The following LRFN5 variants were observed in gnomAD, a reference collection of about 807,000 sequenced individuals.
LRFN5 encodes the protein leucine-rich repeat and fibronectin type-III domain-containing protein 5.
In LRFN5, 24 loss-of-function variants were observed where a neutral mutation model predicts 45.6. The ratio of observed to expected loss-of-function variants is 0.53; its 90% CI spans 0.38 to 0.74. LRFN5 has a LOEUF of 0.74. Among genes scored for constraint, LRFN5 ranks in the 30% least tolerant of loss-of-function variants. The pLI is 0.00. For missense variants in LRFN5, 776 were observed against 861.5 expected (o/e 0.90, Z 1.24); for synonymous variants, 340 against 313.8 (o/e 1.08, Z -0.88).
chr14:41,633,670 AT>A (rs1888626652), intron 1 of LRFN5, among the ~76,000 whole-genome samples: 1 of 152,184 alleles, frequency 6.6e-6, no homozygotes, highest in Non-Finnish European at 1.5e-5. Flanking sequence ...AAATTAAGAT[AT>A]TCTTTTTTTC....
intron 1 of LRFN5, among the ~76,000 whole-genome samples, chr14:41,722,355 T>C (rs944737435): frequency 3.3e-5 from 5 of 152,146 alleles, no homozygotes; most frequent in Non-Finnish European, 5.9e-5. Context: ...TCTTTATCTG[T>C]CATTTCTGAG....
intron 1 of LRFN5, among the ~76,000 whole-genome samples, chr14:41,753,366 A>G (rs1885224945): frequency 1.3e-5 from 2 of 152,148 alleles, no homozygotes; most frequent in African/African-American, 2.4e-5. Context: ...CAGTATGGCC[A>G]TTTTCACAAT....
At chr14:41,819,988 C>A (rs909073955) in intron 2 of LRFN5, among the ~76,000 whole-genome samples, 3 of 147,092 alleles carry the variant, frequency 2.0e-5, no homozygotes, top group African/African-American at 7.5e-5. Flanking sequence ...ATGCTGATTT[C>A]TTTGGCATTC....
At chr14:41,759,613 G>A (rs938601324) in intron 1 of LRFN5, among the ~76,000 whole-genome samples, 14 of 152,062 alleles carry the variant, frequency 9.2e-5, no homozygotes, top group African/African-American at 3.1e-4. Flanking sequence ...AGTGCACTTA[G>A]TAGTTGGTCA....
intron 1 of LRFN5, among the ~76,000 whole-genome samples, chr14:41,716,988 T>G (rs1433136595): frequency 2.0e-5 from 3 of 152,116 alleles, no homozygotes; most frequent in African/African-American, 7.2e-5. Flanking sequence ...TCTAATAGAG[T>G]CTTTCAACCT....
At chr14:41,888,189 AT>A (rs1242159845) in intron 3 of LRFN5, among the ~76,000 whole-genome samples, 179 bp downstream of exon 3, 3 of 152,006 alleles carry the variant, frequency 2.0e-5, no homozygotes, top group African/African-American at 2.4e-5. Flanking sequence ...TTTGAATGGT[AT>A]TTTTTTAGAG....
chr14:41,865,286 A>G (rs1374938802), intron 2 of LRFN5, among the ~76,000 whole-genome samples: 4 of 152,190 alleles, frequency 2.6e-5, no homozygotes, highest in South Asian at 2.1e-4. Flanking sequence ...CTCTGAATCT[A>G]TTGATTTTGG....
At chr14:41,786,711 C>G (rs1886734425) in intron 2 of LRFN5, among the ~76,000 whole-genome samples, 1 of 151,778 alleles carries the variant, frequency 6.6e-6, no homozygotes, top group Non-Finnish European at 1.5e-5. Context: ...TTCATGTACG[C>G]TTTCATTTTT....
At chr14:41,650,268 A>ACAC (rs1437857911) in intron 1 of LRFN5, among the ~76,000 whole-genome samples, 5,692 of 129,332 alleles carry the variant, frequency 0.044, 163 homozygotes, top group Admixed American at 0.073. Context: ...CACACACACA[A>ACAC]AAAAAAAAAA....
intron 1 of LRFN5, among the ~76,000 whole-genome samples, chr14:41,740,002 A>G (rs1405020817): frequency 6.6e-6 from 1 of 152,048 alleles, no homozygotes; most frequent in Non-Finnish European, 1.5e-5. Flanking sequence ...AAAAAGAAAT[A>G]GAAAAATCTG....
At chr14:41,852,624 TTATC>T (rs1889310850) in intron 2 of LRFN5, among the ~76,000 whole-genome samples, 2 of 151,936 alleles carry the variant, frequency 1.3e-5, no homozygotes, top group African/African-American at 4.8e-5. Context: ...TGTAGTTATT[TTATC>T]TTTTTTTGAA....
chr14:41,617,743 T>G (rs779499444), intron 1 of LRFN5, among the ~76,000 whole-genome samples: 37 of 152,200 alleles, frequency 2.4e-4, no homozygotes, highest in Non-Finnish European at 3.7e-4. Context: ...TTTGCCCTCT[T>G]TAATTTTCAG....
chr14:41,853,563 G>A (rs757282539), intron 2 of LRFN5, among the ~76,000 whole-genome samples: 1 of 151,908 alleles, frequency 6.6e-6, no homozygotes, highest in East Asian at 1.9e-4. Context: ...TAGTTTCCTT[G>A]GGTTACATTA....
chr14:41,868,517 T>C (rs990243755), intron 2 of LRFN5, among the ~76,000 whole-genome samples: 5 of 152,094 alleles, frequency 3.3e-5, no homozygotes, highest in South Asian at 2.1e-4. Flanking sequence ...TGCTTAAAAA[T>C]TGGCCTCTCC....
chr14:41,755,512 T>G (rs1885334329), intron 1 of LRFN5, among the ~76,000 whole-genome samples: 1 of 152,176 alleles, frequency 6.6e-6, no homozygotes, highest in Non-Finnish European at 1.5e-5. Flanking sequence ...CCCTTTACCA[T>G]TATGTAATGG....
intron 1 of LRFN5, among the ~76,000 whole-genome samples, chr14:41,750,983 TC>T (rs1885107997): frequency 6.6e-6 from 1 of 151,992 alleles, no homozygotes; most frequent in Non-Finnish European, 1.5e-5. Context: ...GCCCCCTACG[TC>T]CCGACAGGCC....
chr14:41,738,874 A>G (rs1214674217), intron 1 of LRFN5, among the ~76,000 whole-genome samples: 1 of 152,220 alleles, frequency 6.6e-6, no homozygotes, highest in African/African-American at 2.4e-5. Context: ...AGGCAAGGGA[A>G]ATTTTCTGAA....
intron 1 of LRFN5, among the ~76,000 whole-genome samples, chr14:41,628,568 C>T (rs1014566956): frequency 6.6e-6 from 1 of 151,930 alleles, no homozygotes; most frequent in African/African-American, 2.4e-5. Context: ...TGTGTCACTG[C>T]ACTCCAGCCT....
chr14:41,770,292 T>C (rs1886034535), intron 2 of LRFN5, among the ~76,000 whole-genome samples: 2 of 152,206 alleles, frequency 1.3e-5, no homozygotes, highest in African/African-American at 4.8e-5. Context: ...ATTCCATCCC[T>C]GGCCCCCCCA....
Sources: gnomAD v4.1 joint callset for allele counts (sites outside exome capture counted in the v4.1 genomes callset) on GRCh38, gnomAD v4.1.1 for gene constraint, MANE v1.5 for transcripts, NCBI Gene and HGNC (gene_info 2026-07-23, HGNC 2026-07-21) for gene names.